Variants in SYT9 observed in about 807,000 individuals in gnomAD.
The protein encoded by SYT9 is synaptotagmin-9.
In SYT9, 22 loss-of-function variants were observed where a neutral mutation model predicts 48.4. That is an observed-to-expected ratio of 0.45 (90% CI 0.32 to 0.65). The LOEUF (loss-of-function observed/expected upper bound fraction) is 0.65, where lower values mean the gene tolerates loss of function less well. Among genes scored for constraint, SYT9 ranks in the 30% least tolerant of loss-of-function variants. SYT9 has a pLI of 0.03. For missense variants in SYT9, 577 were observed against 622.0 expected (o/e 0.93, Z 0.77); for synonymous variants, 265 against 245.0 (o/e 1.08, Z -0.76).
At chr11:7,250,009 TCTC>T (rs1847839855), upstream of SYT9, among the ~76,000 whole-genome samples, 1 of 152,122 alleles carries the variant, frequency 6.6e-6, no homozygotes, top group African/African-American at 2.4e-5. Flanking sequence ...TACCTTCCAA[TCTC>T]CTCTTTCATT....
chr11:7,432,709 C>T (rs888276564), intron 6 of SYT9, among the ~76,000 whole-genome samples: 29 of 147,692 alleles, frequency 2.0e-4, no homozygotes, highest in African/African-American at 7.0e-4. Context: ...CAATTTCTCC[C>T]TTTTGGAGTG....
At chr11:7,379,275 G>A (rs1456141830) in intron 3 of SYT9, among the ~76,000 whole-genome samples, 4 of 152,076 alleles carry the variant, frequency 2.6e-5, no homozygotes, top group Admixed American at 6.6e-5. Context: ...TATTAAGAAA[G>A]CATGTTAGAA....
At chr11:7,343,883 G>T (rs1295118726) in intron 3 of SYT9, among the ~76,000 whole-genome samples, 1 of 152,166 alleles carries the variant, frequency 6.6e-6, no homozygotes, top group South Asian at 2.1e-4. Context: ...CATGGTGGCA[G>T]GCAAGACAGA....
At chr11:7,422,809 G>A (rs1373218759) in intron 6 of SYT9, among the ~76,000 whole-genome samples, 1 of 152,176 alleles carries the variant, frequency 6.6e-6, no homozygotes, top group East Asian at 1.9e-4. Context: ...CTGAGTGGCA[G>A]TATATGCACG....
At chr11:7,347,221 C>T (rs972437968) in intron 3 of SYT9, among the ~76,000 whole-genome samples, 18 of 143,080 alleles carry the variant, frequency 1.3e-4, no homozygotes, top group African/African-American at 1.8e-4. Context: ...GCTTTCAAAC[C>T]GTTTTCATCA....
chr11:7,346,371 C>T (rs192482734), intron 3 of SYT9, among the ~76,000 whole-genome samples: 13 of 152,288 alleles, frequency 8.5e-5, no homozygotes, highest in Admixed American at 6.5e-4. Context: ...GAGACCCCAT[C>T]GGATGGCACG....
At chr11:7,446,580 C>T (rs1432936607) in intron 6 of SYT9, among the ~76,000 whole-genome samples, 1 of 152,190 alleles carries the variant, frequency 6.6e-6, no homozygotes, top group Non-Finnish European at 1.5e-5. Flanking sequence ...ACCACAGGTA[C>T]CACAGGATGG....
intron 6 of SYT9, among the ~76,000 whole-genome samples, chr11:7,442,060 A>G (rs766385186): frequency 1.3e-5 from 2 of 152,092 alleles, no homozygotes; most frequent in Non-Finnish European, 2.9e-5. Context: ...CAGACACCAC[A>G]GGGCAGCAAA....
intron 6 of SYT9, among the ~76,000 whole-genome samples, chr11:7,436,803 C>A (rs1426142749): frequency 1.3e-5 from 2 of 152,208 alleles, no homozygotes; most frequent in African/African-American, 4.8e-5. Flanking sequence ...TGGTGGACGA[C>A]CTCAGCTGTG....
rs1408975209 is a variant in SYT9, at chr11:7,313,550, G to A, written c.653G>A (p.Ser218Asn). The change falls in exon 3 of 7, where the codon AGC (serine) becomes AAC (asparagine). Residue 218 changes from serine (S) to asparagine (N), a missense_variant. Physicochemically the swap from Ser to Asn is conservative, Grantham distance 46. Coordinates refer to ENST00000318881, the MANE Select transcript of SYT9 (RefSeq NM_175733.4). ...LDNDDGRRSN[S>N]KACGKLNFIL... Reference sequence around the variant, plus strand: ...AATGATGACGGGAGACGGAGTAACAGCAAGGCTTGTGGGAAACTGAACTTC... The same window carrying A: ...AATGATGACGGGAGACGGAGTAACAACAAGGCTTGTGGGAAACTGAACTTC... 6.2e-7 allele frequency: 1 copy of A among 1,614,040 alleles called. No homozygotes were observed. The highest frequency in any genetic ancestry group is 8.5e-7 in the Non-Finnish European group (1 of 1,180,008).
At chr11:7,409,373 T>C (rs947808640) in intron 3 of SYT9, among the ~76,000 whole-genome samples, 2 of 152,176 alleles carry the variant, frequency 1.3e-5, no homozygotes, top group Non-Finnish European at 2.9e-5. Context: ...ACTGGGATAA[T>C]GTTGGTCTCA....
At chr11:7,398,243 A>G (rs776630088) in intron 3 of SYT9, among the ~76,000 whole-genome samples, 5 of 152,084 alleles carry the variant, frequency 3.3e-5, no homozygotes, top group Non-Finnish European at 4.4e-5. Context: ...TTGGTGATTT[A>G]CCTTGATTAT....
chr11:7,257,977 G>A (rs140216681), intron 1 of SYT9, among the ~76,000 whole-genome samples: 125 of 152,256 alleles, frequency 8.2e-4, no homozygotes, highest in African/African-American at 2.9e-3. Flanking sequence ...ACAATCAAAA[G>A]CACAAACTTT....
intron 1 of SYT9, among the ~76,000 whole-genome samples, chr11:7,254,652 G>A (rs1847933872): frequency 6.6e-6 from 1 of 152,166 alleles, no homozygotes. Context: ...AGTCATCTCG[G>A]TAAATGGATG....
rs577568791 is a variant in SYT9 at position 7,375,244 on chromosome 11, TTTCTGAGGC to T, written c.1045-40797_1045-40789del. ...AGATGGTTGTAGATGTGTGGTGTTATTTCTGAGGCCTCTGTTCTGTTCTATTGGTCTATG... is the reference window on the plus strand; with the variant it reads ...AGATGGTTGTAGATGTGTGGTGTTATCTCTGTTCTGTTCTATTGGTCTATG... On this transcript the variant is annotated intron_variant, in intron 3 of 6. Coordinates refer to ENST00000318881, the MANE Select transcript of SYT9 (RefSeq NM_175733.4). Among the ~76,000 whole-genome samples, 88 of 152,318 alleles carry T rather than the reference TTTCTGAGGC, an allele frequency of 5.8e-4. 1 individual carries two copies. In the South Asian group the frequency reaches 0.018, roughly 30 times the overall value.
intron 3 of SYT9, among the ~76,000 whole-genome samples, chr11:7,316,482 G>T (rs540444771): frequency 2.6e-5 from 4 of 152,178 alleles, no homozygotes; most frequent in African/African-American, 9.6e-5. Context: ...TGTGGCTTAT[G>T]TATCTTCATT....
intron 1 of SYT9, among the ~76,000 whole-genome samples, chr11:7,282,429 A>G (rs1351527753): frequency 1.3e-5 from 2 of 152,186 alleles, no homozygotes; most frequent in East Asian, 3.8e-4. Context: ...AAAAAATGGA[A>G]CCATGACTGA....
At chr11:7,370,215 C>G (rs1399952765) in intron 3 of SYT9, among the ~76,000 whole-genome samples, 2 of 152,176 alleles carry the variant, frequency 1.3e-5, no homozygotes, top group East Asian at 1.9e-4. Context: ...CAGGTCTCTG[C>G]AAATGTTAAG....
chr11:7,338,999 GAATT>G (rs1849672717), intron 3 of SYT9, among the ~76,000 whole-genome samples: 1 of 152,096 alleles, frequency 6.6e-6, no homozygotes. Context: ...GGTCTCTTAA[GAATT>G]TGCTTTATGA....
Sources: allele counts gnomAD v4.1 joint callset (sites outside exome capture counted in the v4.1 genomes callset), GRCh38; gene constraint gnomAD v4.1.1; transcripts MANE v1.5; gene names NCBI Gene and HGNC (gene_info 2026-07-23, HGNC 2026-07-21).